Variants in UNC80 observed in about 807,000 individuals in gnomAD.
The protein encoded by UNC80 is protein unc-80 homolog.
A neutral mutation model predicts 384.6 loss-of-function variants in UNC80; 164 were observed. That is an observed-to-expected ratio of 0.43 (90% CI 0.38 to 0.49). UNC80 has a LOEUF of 0.49. Ranked by LOEUF, UNC80 falls within the 20% of genes least tolerant of loss-of-function variation. The probability of loss-of-function intolerance (pLI) is 0.00; values close to 1 mark genes in which losing one functional copy is unlikely to be tolerated. For synonymous variants in UNC80, 1,486 were observed against 1,527.8 expected, an observed-to-expected ratio of 0.97 and a Z score of 0.64; for missense variants, 3,330 against 4,143.0, an observed-to-expected ratio of 0.80 and a Z score of 5.39.
intron 52 of UNC80, 147 bp from the exon 53 acceptor site, chr2:209,969,621 T>G (rs2092826851): frequency 9.2e-7 from 1 of 1,090,818 alleles, no homozygotes; most frequent in African/African-American, 1.6e-5. Flanking sequence ...CCTCCCAGTA[T>G]GCTCTGTGCT....
At chr2:209,944,095 A>G (rs984201715) in intron 45 of UNC80, among the ~76,000 whole-genome samples, 3 of 152,222 alleles carry the variant, frequency 2.0e-5, no homozygotes, top group African/African-American at 7.2e-5. Context: ...CCAATGAGAC[A>G]TGCATACCAT....
At chr2:209,951,790 A>G (rs1254709095) in intron 47 of UNC80, among the ~76,000 whole-genome samples, 2 of 151,780 alleles carry the variant, frequency 1.3e-5, no homozygotes, top group African/African-American at 4.8e-5. Context: ...TTCACATATT[A>G]CCTCTATCCC....
intron 24 of UNC80, among the ~76,000 whole-genome samples, chr2:209,879,261 AT>A (rs2085063446): frequency 6.6e-6 from 1 of 152,174 alleles, no homozygotes; most frequent in African/African-American, 2.4e-5. Flanking sequence ...CATAAGACCC[AT>A]CTAGCCAGAA....
At position 209,943,456 on chromosome 2, in the gene UNC80, A is replaced by G. The variant is rs1461594323; in HGVS notation, c.6992A>G (p.His2331Arg). 7 of 1,551,904 alleles carry G rather than the reference A, an allele frequency of 4.5e-6. No homozygotes were observed. Among genetic ancestry groups the G allele is most frequent in the Non-Finnish European group, 5.2e-6 (6 of 1,147,010 alleles). The change falls in exon 45 of 65, where the codon CAC becomes CGC. Residue 2331 changes from histidine (H) to arginine (R), a missense_variant. By Grantham distance (29) the His-to-Arg change is conservative. Around this residue, in one of 8 missense-constraint regions of UNC80, gnomAD observed 1,049 missense variants for 1,488.6 expected, o/e 0.70. Coordinates refer to ENST00000673920, the MANE Select transcript of UNC80 (RefSeq NM_001371986.1). ...GCCTGTCACCAGTTCTATATTCTAC[A>G]CCGGAAGCCCTTTGTGCTCCAGCTG... ...EFACHQFYILHRKPFVLQLFA... is the reference protein window; with the variant it reads ...EFACHQFYILRRKPFVLQLFA...
chr2:209,825,885 C>G (rs1393453188), intron 13 of UNC80, 22 bp from the exon 14 acceptor site: 1 of 1,509,182 alleles, frequency 6.6e-7, no homozygotes, highest in East Asian at 2.5e-5. Flanking sequence ...ACTTTTCTTT[C>G]TTTCTCATTC....
intron 33 of UNC80, among the ~76,000 whole-genome samples, chr2:209,918,907 T>G (rs189430648): frequency 6.6e-6 from 1 of 152,346 alleles, no homozygotes; most frequent in Admixed American, 6.5e-5. Context: ...ACTAAAAGCA[T>G]TAGGCATTGA....
chr2:209,896,680 C>A (rs1230546103), intron 28 of UNC80, among the ~76,000 whole-genome samples: 1 of 152,062 alleles, frequency 6.6e-6, no homozygotes, highest in East Asian at 1.9e-4. Context: ...AATCATGAGG[C>A]CAGGTTGGTG....
chr2:209,863,325 C>A (rs2083475452), intron 22 of UNC80, among the ~76,000 whole-genome samples: 1 of 152,064 alleles, frequency 6.6e-6, no homozygotes, highest in African/African-American at 2.4e-5. Flanking sequence ...GGTTGATCTT[C>A]TCATGGAATA....
chr2:209,978,528 GC>G lies in UNC80; in HGVS notation c.8940del (p.Tyr2981ThrfsTer19). On this transcript the variant is annotated frameshift_variant and splice_region_variant, in exon 59 of 65. Transcript: ENST00000673920. LOFTEE classifies it high-confidence loss of function. ...ILKEAVHSGS[A>X]YQGKTSISTV... ...TTCCTTTGGTCTCTCGCATCCTCTAGCCTACCAAGGCAAGACATCCATCAGT... is the reference window on the plus strand; with the variant it reads ...TTCCTTTGGTCTCTCGCATCCTCTAGCTACCAAGGCAAGACATCCATCAGT... 1 of 1,538,262 alleles carries G rather than the reference GC, an allele frequency of 6.5e-7. No homozygotes were observed. The highest frequency in any genetic ancestry group is 8.8e-7 in the Non-Finnish European group (1 of 1,136,676).
intron 22 of UNC80, among the ~76,000 whole-genome samples, chr2:209,858,601 C>T (rs1005248155): frequency 6.7e-6 from 1 of 149,192 alleles, no homozygotes; most frequent in African/African-American, 2.5e-5. Flanking sequence ...GGCAGAGGCA[C>T]AAGAATAGCT....
intron 22 of UNC80, among the ~76,000 whole-genome samples, chr2:209,851,482 T>C (rs2082525568): frequency 6.6e-6 from 1 of 152,008 alleles, no homozygotes; most frequent in Non-Finnish European, 1.5e-5. Flanking sequence ...AAGCCCAGAG[T>C]CAATGTGAGT....
intron 35 of UNC80, among the ~76,000 whole-genome samples, chr2:209,925,183 A>C (rs1036351983): frequency 2.0e-5 from 3 of 152,084 alleles, no homozygotes; most frequent in African/African-American, 7.2e-5. Context: ...TGTATTTCAC[A>C]GTATTCTCAT....
At chr2:209,858,190 AG>A in intron 22 of UNC80, among the ~76,000 whole-genome samples, 1 of 152,338 alleles carries the variant, frequency 6.6e-6, no homozygotes, top group East Asian at 1.9e-4. Flanking sequence ...GGAAGCAAAC[AG>A]GTTTAGAAAT....
intron 61 of UNC80, among the ~76,000 whole-genome samples, chr2:209,985,481 A>G (rs2093267950): frequency 1.3e-5 from 2 of 152,208 alleles, no homozygotes; most frequent in Admixed American, 1.3e-4. Flanking sequence ...CACTTATACA[A>G]AGAATGTCTG....
chr2:209,976,360 C>A lies in UNC80; in HGVS notation c.8772+57C>A. 6.5e-7 allele frequency: 1 copy of A among 1,547,868 alleles called. No individual in the cohort carries two copies. Among genetic ancestry groups the A allele is most frequent in the Non-Finnish European group, 8.7e-7 (1 of 1,144,062 alleles). ...CAAGCTCAAATGAATGTGTGGCTCT[C>A]TACTGAGGCAGGAATATGGCAGGAG... On this transcript the variant is annotated intron_variant, in intron 57 of 64. Coordinates refer to ENST00000673920, the MANE Select transcript of UNC80 (RefSeq NM_001371986.1). This position sits in a 1 kb window ranked among gnomAD's most constrained non-coding sequence, Gnocchi z 4.3.
intron 26 of UNC80, among the ~76,000 whole-genome samples, chr2:209,893,839 C>T (rs1436127428): frequency 1.3e-5 from 2 of 152,156 alleles, no homozygotes; most frequent in African/African-American, 4.8e-5. Context: ...TTGTGGTTCT[C>T]TTGAATCAAG....
At chr2:209,917,650 T>C in intron 31 of UNC80, 127 bp from the exon 32 acceptor site, 1 of 1,139,408 alleles carries the variant, frequency 8.8e-7, no homozygotes, top group Non-Finnish European at 1.2e-6. Context: ...TTGCCAGTGC[T>C]GGTAGCCTAG....
At chr2:209,897,785 G>GT (rs1559287714) in intron 28 of UNC80, among the ~76,000 whole-genome samples, 1 of 152,126 alleles carries the variant, frequency 6.6e-6, no homozygotes, top group African/African-American at 2.4e-5. Context: ...CAAGCATTGT[G>GT]TAAGAACAGT....
chr2:209,967,688 A>G (rs747662560), intron 52 of UNC80, 51 bp downstream of exon 52: 13 of 1,525,458 alleles, frequency 8.5e-6, no homozygotes, highest in African/African-American at 1.4e-5. Context: ...CAAAGTTAAG[A>G]TTTGTCATTT....
Sources: allele counts gnomAD v4.1 joint callset (sites outside exome capture counted in the v4.1 genomes callset), GRCh38; gene constraint gnomAD v4.1.1; regional missense constraint gnomAD v4.1.1; non-coding constraint Gnocchi (gnomAD v3.1); transcripts MANE v1.5; gene names NCBI Gene and HGNC (gene_info 2026-07-23, HGNC 2026-07-21).